MTDH: variants seen among roughly 807,000 people sequenced by gnomAD.
MTDH encodes the protein protein LYRIC.
MTDH carries 34 observed loss-of-function variants against 72.7 expected under a neutral mutation model. The observed-to-expected ratio is 0.47, with a 90% confidence interval of 0.36 to 0.62. The LOEUF is 0.62. MTDH is among the 20% of genes least tolerant of loss of function. The probability of loss-of-function intolerance (pLI) is 0.00; values close to 1 mark genes in which losing one functional copy is unlikely to be tolerated. For missense variants in MTDH, 677 were observed against 699.4 expected (o/e 0.97, Z 0.36); for synonymous variants, 266 against 268.9 (o/e 0.99, Z 0.10).
chr8:97,669,981 G>GT (rs1563532615), intron 2 of MTDH, among the ~76,000 whole-genome samples: 3 of 151,480 alleles, frequency 2.0e-5, no homozygotes, highest in South Asian at 2.1e-4. Flanking sequence ...ATGTAGCCTG[G>GT]ATTTTTTTGC....
chr8:97,684,338 T>C (rs1337507119), intron 2 of MTDH, among the ~76,000 whole-genome samples: 1 of 152,152 alleles, frequency 6.6e-6, no homozygotes. Flanking sequence ...TAAAAATGTG[T>C]CTACTAGAAA....
intron 2 of MTDH, among the ~76,000 whole-genome samples, chr8:97,667,509 A>T (rs1812440272): frequency 6.6e-6 from 1 of 152,242 alleles, no homozygotes; most frequent in African/African-American, 2.4e-5. Context: ...CTTGTGTGCC[A>T]AATTAGCCAC....
At chr8:97,666,421 G>C (rs1470937369) in intron 2 of MTDH, among the ~76,000 whole-genome samples, 1 of 152,122 alleles carries the variant, frequency 6.6e-6, no homozygotes, top group African/African-American at 2.4e-5. Flanking sequence ...AAAGAGTTTT[G>C]TGAATTGTCC....
rs1226480697 is a variant in MTDH at position 97,725,972 on chromosome 8, AT to A, written c.*1305del. Reference sequence around the variant, plus strand: ...TTGTGATAAAGAAAAAAAAGCCATGATTTATTCGATGTGATTGGCTTGTTTT... The same window carrying A: ...TTGTGATAAAGAAAAAAAAGCCATGATTATTCGATGTGATTGGCTTGTTTT... On this transcript the variant is annotated 3_prime_UTR_variant, in exon 12 of 12. Coordinates refer to ENST00000336273, the MANE Select transcript of MTDH (RefSeq NM_178812.4). 2.0e-5 allele frequency: 3 copies of A among 152,618 alleles called. No individual in the cohort carries two copies. The highest frequency in any genetic ancestry group is 7.2e-5 in the African/African-American group (3 of 41,448). 9.5% of individuals were successfully genotyped at this position (152,618 alleles called of 1,614,324 possible).
chr8:97,689,602 A>G (rs1050998431), intron 5 of MTDH, among the ~76,000 whole-genome samples: 1 of 152,040 alleles, frequency 6.6e-6, no homozygotes, highest in Non-Finnish European at 1.5e-5. Flanking sequence ...TTACTCATTT[A>G]TGATAAAGAT....
intron 6 of MTDH, among the ~76,000 whole-genome samples, chr8:97,699,443 A>G (rs368654575): frequency 0.037 from 5,692 of 152,172 alleles, 366 homozygotes; most frequent in African/African-American, 0.13. Flanking sequence ...TCTCAAAAAA[A>G]AAAAAAGAGA....
At chr8:97,696,878 G>A (rs932847640) in intron 6 of MTDH, among the ~76,000 whole-genome samples, 1 of 151,444 alleles carries the variant, frequency 6.6e-6, no homozygotes, top group African/African-American at 2.4e-5. Context: ...AGCACGTAGC[G>A]AGGCTGAGGT....
rs529643912 is a variant in MTDH at position 97,673,930 on chromosome 8, G to A, written c.484-12738G>A. 1.1e-4 allele frequency among the ~76,000 whole-genome samples: 17 copies of A among 152,048 alleles called. No homozygotes were observed. In the East Asian group the frequency reaches 2.9e-3, roughly 26 times the overall value. On this transcript the variant is annotated intron_variant, in intron 2 of 11. Coordinates refer to ENST00000336273, the MANE Select transcript of MTDH (RefSeq NM_178812.4). ...GCGGAGGTTGCAGTGAACCAAGATC[G>A]TACCACTGCACTCCAGCCTGGTCAA...
chr8:97,666,344 A>G (rs1271559754), intron 2 of MTDH, among the ~76,000 whole-genome samples: 2 of 152,192 alleles, frequency 1.3e-5, no homozygotes, highest in East Asian at 3.8e-4. Flanking sequence ...TGTACAAAAC[A>G]TTTTCATATC....
chr8:97,719,492 C>CAAAA (rs11383714), intron 10 of MTDH, among the ~76,000 whole-genome samples: 14 of 79,872 alleles, frequency 1.8e-4, no homozygotes, highest in African/African-American at 4.1e-4. Flanking sequence ...GACACTGTCT[C>CAAAA]AAAAAAAAAA....
intron 10 of MTDH, among the ~76,000 whole-genome samples, chr8:97,720,589 A>ATTTATT (rs1554583465): frequency 4.0e-5 from 6 of 148,630 alleles, no homozygotes; most frequent in African/African-American, 1.3e-4. Flanking sequence ...GAATATATAT[A>ATTTATT]TATTTATTTA....
At chr8:97,720,935 C>T (rs780717860) in intron 10 of MTDH, among the ~76,000 whole-genome samples, 5 of 151,636 alleles carry the variant, frequency 3.3e-5, no homozygotes, top group Non-Finnish European at 5.9e-5. Flanking sequence ...ATTACAGGCA[C>T]GAGCCACCAC....
chr8:97,719,270 A>T, intron 10 of MTDH, 81 bp downstream of exon 10: 1 of 1,413,174 alleles, frequency 7.1e-7, no homozygotes, highest in South Asian at 1.3e-5. Flanking sequence ...CAAGGTGGGC[A>T]GGTCATGAGG....
At chr8:97,704,807 TAAAC>T (rs967743655) in intron 7 of MTDH, among the ~76,000 whole-genome samples, 3 of 152,146 alleles carry the variant, frequency 2.0e-5, no homozygotes, top group African/African-American at 7.2e-5. Context: ...ATATTCCTGT[TAAAC>T]AAAAACAATA....
intron 9 of MTDH, among the ~76,000 whole-genome samples, chr8:97,714,945 C>T (rs2131070682): frequency 6.6e-6 from 1 of 152,212 alleles, no homozygotes; most frequent in East Asian, 1.9e-4. Context: ...CCTGCCTCAG[C>T]TTCCCAAGTA....
chr8:97,697,150 A>ATATATATATATTTTTT, intron 6 of MTDH, among the ~76,000 whole-genome samples: 7 of 68,784 alleles, frequency 1.0e-4, no homozygotes, highest in Non-Finnish European at 7.4e-5. Flanking sequence ...ATATATATAT[A>ATATATATATATTTTTT]TTTTTTTTTT....
At chr8:97,670,143 C>A (rs990007873) in intron 2 of MTDH, among the ~76,000 whole-genome samples, 49 of 152,064 alleles carry the variant, frequency 3.2e-4, no homozygotes, top group African/African-American at 8.7e-4. Context: ...GGCGAAACCT[C>A]GTCTCTATTA....
intron 2 of MTDH, among the ~76,000 whole-genome samples, chr8:97,669,869 G>A (rs971395638): frequency 8.2e-5 from 12 of 145,758 alleles, no homozygotes; most frequent in African/African-American, 3.1e-4. Context: ...GCGGAGTGGA[G>A]CAGAGATCGC....
intron 9 of MTDH, among the ~76,000 whole-genome samples, chr8:97,717,508 G>A (rs114354013): frequency 0.015 from 2,218 of 152,096 alleles, 63 homozygotes; most frequent in African/African-American, 0.051. Flanking sequence ...TGAGGCCCAC[G>A]CCACCCAAAC....
Sources: gnomAD v4.1 joint callset for allele counts (sites outside exome capture counted in the v4.1 genomes callset) on GRCh38, gnomAD v4.1.1 for gene constraint, MANE v1.5 for transcripts, NCBI Gene and HGNC (gene_info 2026-07-23, HGNC 2026-07-21) for gene names.